Variants in UNC80 observed in about 807,000 individuals in gnomAD.
UNC80 encodes the protein protein unc-80 homolog.
UNC80 carries 164 observed loss-of-function variants against 384.6 expected under a neutral mutation model. That is an observed-to-expected ratio of 0.43 (90% CI 0.38 to 0.49). UNC80 has a LOEUF of 0.49. Ranked by LOEUF, UNC80 falls within the 20% of genes least tolerant of loss-of-function variation. The probability of loss-of-function intolerance (pLI) is 0.00; values close to 1 mark genes in which losing one functional copy is unlikely to be tolerated. For synonymous variants in UNC80, 1,486 were observed against 1,527.8 expected, an observed-to-expected ratio of 0.97 and a Z score of 0.64; for missense variants, 3,330 against 4,143.0, an observed-to-expected ratio of 0.80 and a Z score of 5.39.
chr2:209,918,825 A>C (rs2089783276), intron 33 of UNC80, among the ~76,000 whole-genome samples, 162 bp downstream of exon 33: 1 of 152,224 alleles, frequency 6.6e-6, no homozygotes, highest in Non-Finnish European at 1.5e-5. Context: ...AATAATATCG[A>C]GTAGTGAGTA....
chr2:209,995,486 A>T lies in UNC80; in HGVS notation c.9866A>T (p.His3289Leu). ...SLLQHGDTVL[H>L]ISEENGMENP... ...CTACAGCATGGAGACACTGTCCTTC[A>T]TATCAGTGAGGAAAATGGCATGGAG... The change falls in exon 65 of 65, where the codon CAT (histidine) becomes CTT (leucine). Residue 3289 changes from histidine (H) to leucine (L), a missense_variant. This residue lies in a region of UNC80 where 236 missense variants were observed against 254.9 expected (regional missense o/e 0.93). Transcript: ENST00000673920. 1 of 1,551,854 alleles carries T rather than the reference A, an allele frequency of 6.4e-7. No homozygotes were observed. The highest frequency in any genetic ancestry group is 8.7e-7 in the Non-Finnish European group (1 of 1,147,034).
intron 25 of UNC80, among the ~76,000 whole-genome samples, chr2:209,885,081 A>C (rs1025197628): frequency 6.6e-6 from 1 of 152,088 alleles, no homozygotes; most frequent in African/African-American, 2.4e-5. Context: ...TCTTTTTAAA[A>C]AAAGAAAAAA....
intron 2 of UNC80, among the ~76,000 whole-genome samples, chr2:209,774,474 G>T (rs1009539316): frequency 6.6e-6 from 1 of 151,630 alleles, no homozygotes; most frequent in Admixed American, 6.6e-5. Flanking sequence ...TAATAGATAG[G>T]GATAGATATA....
chr2:209,863,768 A>G (rs914398075), intron 22 of UNC80, among the ~76,000 whole-genome samples: 3 of 151,642 alleles, frequency 2.0e-5, no homozygotes, highest in Non-Finnish European at 4.4e-5. Context: ...GCTTCTTTTC[A>G]TTCCATTATA....
At chr2:209,886,443 A>G (rs35365084) in intron 25 of UNC80, among the ~76,000 whole-genome samples, 5 of 152,034 alleles carry the variant, frequency 3.3e-5, no homozygotes. Context: ...GAAAATTAAA[A>G]ATAAAAAAGA....
At chr2:209,974,214 G>A (rs1272076255) in intron 56 of UNC80, among the ~76,000 whole-genome samples, 1 of 152,188 alleles carries the variant, frequency 6.6e-6, no homozygotes, top group African/African-American at 2.4e-5. Flanking sequence ...GGAGTATGGA[G>A]GGGTGTTTGA....
At chr2:209,878,835 T>G (rs1327489578) in intron 24 of UNC80, among the ~76,000 whole-genome samples, 1 of 152,192 alleles carries the variant, frequency 6.6e-6, no homozygotes, top group African/African-American at 2.4e-5. Context: ...TAGTGAGATC[T>G]CTTCCTCCTG....
At chr2:209,962,411 T>C (rs2092621908) in intron 51 of UNC80, among the ~76,000 whole-genome samples, 1 of 152,172 alleles carries the variant, frequency 6.6e-6, no homozygotes, top group Non-Finnish European at 1.5e-5. Flanking sequence ...AACAGTCTCC[T>C]GGTTGGTGTT....
At chr2:209,904,716 A>G in intron 28 of UNC80, 49 bp from the exon 29 acceptor site, 3 of 1,504,458 alleles carry the variant, frequency 2.0e-6, no homozygotes, top group Non-Finnish European at 1.8e-6. Context: ...TGTTCAGTTT[A>G]TCTGTACCCT....
chr2:209,945,873 A>G lies in UNC80; in HGVS notation c.7216A>G (p.Thr2406Ala). 1 of 1,551,932 alleles carries G rather than the reference A, an allele frequency of 6.4e-7. No individual in the cohort carries two copies. The highest frequency in any genetic ancestry group is 1.2e-5 in the South Asian group (1 of 84,038). Reference protein sequence around the residue: ...LDFCYGNEDLTFSISEAIKLC... With the variant: ...LDFCYGNEDLAFSISEAIKLC... ...TTTCTGCTATGGAAACGAAGATCTG[A>G]CATTTTCTATCAGTGAAGCCATTAA... is the stretch of plus-strand genomic sequence containing the variant. Residue 2406 changes from threonine (T) to alanine (A), a missense_variant, in exon 47 of 65, where the codon ACA becomes GCA. Thr to Ala is a moderately conservative substitution (Grantham distance 58, BLOSUM62 0). This residue lies in a region of UNC80 where 1,049 missense variants were observed against 1,488.6 expected (regional missense o/e 0.70). Coordinates refer to ENST00000673920, the MANE Select transcript of UNC80 (RefSeq NM_001371986.1).
intron 6 of UNC80, among the ~76,000 whole-genome samples, chr2:209,792,617 GATT>G (rs1553516190): frequency 6.6e-6 from 1 of 152,058 alleles, no homozygotes; most frequent in Non-Finnish European, 1.5e-5. Context: ...AAAGTGCTAG[GATT>G]ACAGGCATGA....
intron 54 of UNC80, among the ~76,000 whole-genome samples, chr2:209,971,752 A>T (rs1439515172): frequency 6.6e-6 from 1 of 152,242 alleles, no homozygotes; most frequent in Non-Finnish European, 1.5e-5. Context: ...GCGTACAAAG[A>T]TCACATATTT....
At chr2:209,846,534 T>C (rs2082183736) in intron 21 of UNC80, among the ~76,000 whole-genome samples, 1 of 152,002 alleles carries the variant, frequency 6.6e-6, no homozygotes, top group African/African-American at 2.4e-5. Flanking sequence ...TACCCATAAG[T>C]GTATATGATA....
intron 4 of UNC80, among the ~76,000 whole-genome samples, chr2:209,780,581 T>G (rs1472321296): frequency 6.6e-6 from 1 of 152,172 alleles, no homozygotes; most frequent in Admixed American, 6.5e-5. Flanking sequence ...GTCCTATGCA[T>G]TGTAGGATAT....
chr2:209,844,476 T>C (rs71350734), intron 21 of UNC80, among the ~76,000 whole-genome samples: 3,872 of 69,018 alleles, frequency 0.056, 337 homozygotes, highest in African/African-American at 0.12. Flanking sequence ...TCTTTCTTTC[T>C]TTCCTTCCTT....
intron 1 of UNC80, among the ~76,000 whole-genome samples, chr2:209,772,390 G>A (rs923772005): frequency 2.6e-5 from 4 of 151,654 alleles, no homozygotes; most frequent in Non-Finnish European, 5.9e-5. Context: ...ATTGGCAGTT[G>A]TCGCATAAAT....
At chr2:209,891,810 A>G (rs1240838349) in intron 26 of UNC80, among the ~76,000 whole-genome samples, 1 of 152,178 alleles carries the variant, frequency 6.6e-6, no homozygotes, top group Non-Finnish European at 1.5e-5. Context: ...CCATTTGACA[A>G]GCTGTCAGCT....
intron 7 of UNC80, among the ~76,000 whole-genome samples, chr2:209,808,397 T>C (rs2079049142): frequency 6.6e-6 from 1 of 152,002 alleles, no homozygotes; most frequent in African/African-American, 2.4e-5. Context: ...ACCTCCTCTC[T>C]ACTAAAAATA....
In UNC80 at chr2:209,872,031, C is replaced by G. The variant is rs2084347968; in HGVS notation, c.3628-727C>G. 6.6e-6 allele frequency among the ~76,000 whole-genome samples: 1 copy of G among 151,734 alleles called. No individual in the cohort carries two copies. The stretch of plus-strand genomic sequence containing the variant: ...TTCCTTTTCTTTTTTGAGGTGGAGT[C>G]TCACTCTGTCTCCCAGGCTGGAGTG... On this transcript the variant is annotated intron_variant, in intron 22 of 64. Transcript: ENST00000673920. This position sits in a 1 kb window ranked among gnomAD's most constrained non-coding sequence, Gnocchi z 4.1.
Sources: gnomAD v4.1 joint callset for allele counts (sites outside exome capture counted in the v4.1 genomes callset) on GRCh38, gnomAD v4.1.1 for gene constraint, gnomAD v4.1.1 regional missense constraint, Gnocchi (gnomAD v3.1) non-coding constraint, MANE v1.5 for transcripts, NCBI Gene and HGNC (gene_info 2026-07-23, HGNC 2026-07-21) for gene names.